STYK1: variants seen among roughly 807,000 people sequenced by gnomAD.
The protein encoded by STYK1 is STY kinase 1.
A neutral mutation model predicts 48.1 loss-of-function variants in STYK1; 46 were observed. The ratio of observed to expected loss-of-function variants is 0.96; its 90% confidence interval spans 0.75 to 1.22. The LOEUF (loss-of-function observed/expected upper bound fraction) is 1.22, where lower values mean the gene tolerates loss of function less well. STYK1 is among the 50% of genes most tolerant of loss of function. STYK1 has a pLI of 0.00. For missense variants in STYK1, 527 were observed against 521.1 expected, an observed-to-expected ratio of 1.01 and a Z score of -0.11; for synonymous variants, 188 against 189.0, an observed-to-expected ratio of 0.99 and a Z score of 0.04.
At chr12:10,631,437 G>C in intron 4 of STYK1, 129 bp from the exon 5 acceptor site, 1 of 1,141,584 alleles carries the variant, frequency 8.8e-7, no homozygotes, top group South Asian at 1.6e-5. Context: ...GTTGTCTTCT[G>C]ATGCTTCTCT....
intron 1 of STYK1, among the ~76,000 whole-genome samples, chr12:10,644,000 A>G (rs938916415): frequency 6.6e-6 from 1 of 152,184 alleles, no homozygotes; most frequent in Non-Finnish European, 1.5e-5. Context: ...AATACTACTT[A>G]GCAATAAGAA....
At chr12:10,630,119 C>T (rs962318001) in intron 5 of STYK1, among the ~76,000 whole-genome samples, 1 of 151,028 alleles carries the variant, frequency 6.6e-6, no homozygotes, top group Non-Finnish European at 1.5e-5. Flanking sequence ...GGCATGATGG[C>T]TCACACCTGT....
chr12:10,643,472 T>C (rs1226923848), intron 1 of STYK1, among the ~76,000 whole-genome samples: 1 of 152,264 alleles, frequency 6.6e-6, no homozygotes. Context: ...TCAAGACAGC[T>C]CTACTTCTTC....
rs73265936 is a variant in STYK1, at chr12:10,665,495, G to A, written c.-195+8471C>T. Reference sequence around the variant, plus strand: ...ATTGTGTGTTGAATCTCCATCTGATGCTCTTCCCACTACACTTTCCCACCC... The same window carrying A: ...ATTGTGTGTTGAATCTCCATCTGATACTCTTCCCACTACACTTTCCCACCC... On this transcript the variant is annotated intron_variant, in intron 1 of 10. Transcript: ENST00000075503. 6.0e-3 allele frequency among the ~76,000 whole-genome samples: 917 copies of A among 152,268 alleles called. 8 individuals are homozygous for A. Among genetic ancestry groups the A allele is most frequent in the African/African-American group, 0.02 (822 of 41,550 alleles).
At chr12:10,673,257 A>G (rs902627390) in intron 1 of STYK1, among the ~76,000 whole-genome samples, 1 of 152,132 alleles carries the variant, frequency 6.6e-6, no homozygotes. Context: ...GGAGCCTGTA[A>G]TCCCAGCTAC....
intron 1 of STYK1, among the ~76,000 whole-genome samples, chr12:10,653,976 G>T (rs970981665): frequency 1.5e-4 from 23 of 152,172 alleles, no homozygotes; most frequent in African/African-American, 4.6e-4. Context: ...ACAAGATACA[G>T]GTCACAATGG....
chr12:10,630,317 C>T (rs1240790652), intron 5 of STYK1, among the ~76,000 whole-genome samples: 3 of 130,890 alleles, frequency 2.3e-5, no homozygotes, highest in Non-Finnish European at 3.1e-5. Context: ...ACCTGGGAGG[C>T]GGAGGTTGCA....
At chr12:10,658,593 A>G (rs986985824) in intron 1 of STYK1, among the ~76,000 whole-genome samples, 2 of 152,198 alleles carry the variant, frequency 1.3e-5, no homozygotes, top group African/African-American at 4.8e-5. Flanking sequence ...CCAAAATCAA[A>G]TGGTAAATTA....
chr12:10,645,890 G>A (rs560915973), intron 1 of STYK1, among the ~76,000 whole-genome samples: 1 of 152,252 alleles, frequency 6.6e-6, no homozygotes, highest in East Asian at 1.9e-4. Context: ...AAGATCTGAT[G>A]GCTTTATAAG....
intron 4 of STYK1, 132 bp from the exon 5 acceptor site, chr12:10,631,440 G>C (rs1379797031): frequency 1.8e-6 from 2 of 1,114,792 alleles, no homozygotes; most frequent in Non-Finnish European, 2.5e-6. Flanking sequence ...GTCTTCTGAT[G>C]CTTCTCTATA....
chr12:10,646,108 T>C lies in STYK1; in HGVS notation c.-194-8912A>G, dbSNP rs556265098. Among the ~76,000 whole-genome samples, 10 of 152,284 alleles carry C rather than the reference T, an allele frequency of 6.6e-5. No individual in the cohort carries two copies. The East Asian group carries it at 1.9e-3, about 29-fold the overall frequency. On this transcript the variant is annotated intron_variant, in intron 1 of 10. Coordinates refer to ENST00000075503, the MANE Select transcript of STYK1 (RefSeq NM_018423.3). ...AAAATGGATTAATACAGTAAATTGGTACCAGGAGTAGGGTGCTACTGAAAA... is the reference window on the plus strand; with the variant it reads ...AAAATGGATTAATACAGTAAATTGGCACCAGGAGTAGGGTGCTACTGAAAA...
At chr12:10,644,571 GATA>G (rs1266653324) in intron 1 of STYK1, among the ~76,000 whole-genome samples, 2 of 152,140 alleles carry the variant, frequency 1.3e-5, no homozygotes, top group Non-Finnish European at 2.9e-5. Context: ...AATTGCAGGT[GATA>G]ATAAATACAT....
chr12:10,621,827 T>C, intron 10 of STYK1, 49 bp downstream of exon 10: 1 of 1,558,162 alleles, frequency 6.4e-7, no homozygotes, highest in Non-Finnish European at 8.9e-7. Flanking sequence ...GATAGAGGGC[T>C]AAACAACATT....
intron 2 of STYK1, among the ~76,000 whole-genome samples, chr12:10,636,058 G>A (rs1423438946): frequency 6.6e-6 from 1 of 152,112 alleles, no homozygotes; most frequent in Admixed American, 6.5e-5. Context: ...TATATAATAT[G>A]CTACTATGTT....
At chr12:10,633,962 C>G in intron 4 of STYK1, 28 bp downstream of exon 4, 4 of 1,611,362 alleles carry the variant, frequency 2.5e-6, no homozygotes, top group Non-Finnish European at 3.4e-6. Context: ...CTTTAAGCCC[C>G]TGCCCAGCCC....
chr12:10,631,083 G>A lies in STYK1; in HGVS notation c.413C>T (p.Pro138Leu). 6.2e-7 allele frequency: 1 copy of A among 1,614,148 alleles called. No homozygotes were observed. Among genetic ancestry groups the A allele is most frequent in the East Asian group, 2.2e-5 (1 of 44,886 alleles). ...IFRANMNTGD[P>L]SKPKSVILKA... ...GAGAATAACACTCTTGGGCTTAGAA[G>A]GGTCCCCAGTGTTCATATTGGCTCG... Residue 138 changes from proline to leucine, a missense_variant, in exon 5 of 11, where the codon CCT becomes CTT. By Grantham distance (98) the Pro-to-Leu change is moderately conservative. Coordinates refer to ENST00000075503, the MANE Select transcript of STYK1 (RefSeq NM_018423.3).
Position 10,621,859 on chromosome 12 carries a change from C to T in STYK1, c.1064+17G>A. The stretch of plus-strand genomic sequence containing the variant: ...CATTTGGAATGAAAGAGGAGCAGGC[C>T]TTTAAAAACCACTTACATGGTATGT... On this transcript the variant is annotated intron_variant, in intron 10 of 10. Coordinates refer to ENST00000075503, the MANE Select transcript of STYK1 (RefSeq NM_018423.3). 6.2e-7 allele frequency: 1 copy of T among 1,611,436 alleles called. No individual in the cohort carries two copies. The highest frequency in any genetic ancestry group is 8.5e-7 in the Non-Finnish European group (1 of 1,177,870).
Position 10,629,564 on chromosome 12 carries a change from G to C in STYK1, c.562C>G (p.Leu188Val), listed in dbSNP as rs1463222331. The change falls in exon 6 of 11, where the codon CTG (leucine) becomes GTG (valine). Residue 188 changes from leucine (L) to valine (V), a missense_variant. Physicochemically the swap from Leu to Val is conservative, Grantham distance 32 (BLOSUM62 1). Transcript: ENST00000075503. ...TCCTCCAACACCATATAGAGTGGCAGCTTTTCAGTGCAGCAGCCTTCCAGC... is the reference window on the plus strand; with the variant it reads ...TCCTCCAACACCATATAGAGTGGCACCTTTTCAGTGCAGCAGCCTTCCAGC... Reference protein sequence around the residue: ...VQLEGCCTEKLPLYMVLEDVA... With the variant: ...VQLEGCCTEKVPLYMVLEDVA... The C allele has an allele frequency of 6.2e-7, 1 of 1,614,182 alleles. No individual in the cohort carries two copies. Among genetic ancestry groups the C allele is most frequent in the Admixed American group, 1.7e-5 (1 of 60,030 alleles).
At chr12:10,630,918 C>A in intron 5 of STYK1, 127 bp downstream of exon 5, 1 of 1,225,278 alleles carries the variant, frequency 8.2e-7, no homozygotes, top group Non-Finnish European at 1.1e-6. Context: ...CCTCAAGTTT[C>A]CACTCTATTA....
Sources: gnomAD v4.1 joint callset for allele counts (sites outside exome capture counted in the v4.1 genomes callset) on GRCh38, gnomAD v4.1.1 for gene constraint, MANE v1.5 for transcripts, NCBI Gene and HGNC (gene_info 2026-07-23, HGNC 2026-07-21) for gene names.